The following GDAP1 variants were observed in gnomAD, a reference collection of about 807,000 sequenced individuals.
GDAP1 encodes the protein ganglioside induced differentiation associated protein 1, also known as ganglioside-induced differentiation-associated protein 1.
In GDAP1, 34 loss-of-function variants were observed where a neutral mutation model predicts 40.1. The observed-to-expected ratio is 0.85, with a 90% confidence interval of 0.64 to 1.13. The LOEUF is 1.13. GDAP1 is among the 50% of genes most tolerant of loss of function. The probability of loss-of-function intolerance (pLI) is 0.00; values close to 1 mark genes in which losing one functional copy is unlikely to be tolerated. For synonymous variants in GDAP1, 170 were observed against 157.4 expected (o/e 1.08, Z -0.60); for missense variants, 374 against 433.7 (o/e 0.86, Z 1.22).
At chr8:74,381,951 G>A (rs567496328) in intron 2 of GDAP1, among the ~76,000 whole-genome samples, 24 of 151,788 alleles carry the variant, frequency 1.6e-4, no homozygotes, top group Non-Finnish European at 2.9e-4. Flanking sequence ...CTCTGCTTTC[G>A]CCTTCATTTC....
intron 2 of GDAP1, among the ~76,000 whole-genome samples, chr8:74,373,876 T>C (rs1464428146): frequency 6.6e-6 from 1 of 152,156 alleles, no homozygotes; most frequent in Non-Finnish European, 1.5e-5. Flanking sequence ...CCATTCAGTA[T>C]GATATTGGCT....
chr8:74,444,612 C>G (rs932876245), intron 2 of GDAP1, among the ~76,000 whole-genome samples: 1 of 152,060 alleles, frequency 6.6e-6, no homozygotes, highest in Non-Finnish European at 1.5e-5. Flanking sequence ...TGTAAAATTT[C>G]CAGTTCTACA....
intron 2 of GDAP1, among the ~76,000 whole-genome samples, chr8:74,456,101 A>G (rs1463894909): frequency 6.6e-6 from 1 of 151,898 alleles, no homozygotes; most frequent in African/African-American, 2.4e-5. Flanking sequence ...TTAGTATTTA[A>G]CTATACCTCA....
chr8:74,437,337 C>T lies in GDAP1; in HGVS notation c.166-51341C>T, dbSNP rs7812502. 1.8e-3 allele frequency among the ~76,000 whole-genome samples: 273 copies of T among 152,264 alleles called. 1 individual carries two copies. The highest frequency in any genetic ancestry group is 6.4e-3 in the African/African-American group (265 of 41,552). On this transcript the variant is annotated intron_variant, in intron 2 of 2. Transcript: ENST00000523640. ...TTGTTGAAGATCTACAGTTACCAGTCGCAGTAAAGCTAGGAATCTAGTACT... is the reference window on the plus strand; with the variant it reads ...TTGTTGAAGATCTACAGTTACCAGTTGCAGTAAAGCTAGGAATCTAGTACT...
intron 2 of GDAP1, among the ~76,000 whole-genome samples, chr8:74,424,538 G>T (rs1312004460): frequency 1.3e-5 from 2 of 152,160 alleles, no homozygotes; most frequent in Non-Finnish European, 2.9e-5. Flanking sequence ...TACTGCTTCT[G>T]CTCTTCACTA....
intron 2 of GDAP1, among the ~76,000 whole-genome samples, chr8:74,457,806 T>C (rs1806354467): frequency 6.6e-6 from 1 of 152,048 alleles, no homozygotes; most frequent in African/African-American, 2.4e-5. Context: ...TCACTTTGAG[T>C]AGTGTTTAAG....
At chr8:74,367,588 A>T (rs4738451), downstream of GDAP1, among the ~76,000 whole-genome samples, 27,092 of 152,146 alleles carry the variant, frequency 0.18, 2,744 homozygotes, top group Admixed American at 0.31. Context: ...CAGTATTCAG[A>T]TATAACCATC....
chr8:74,400,332 G>C (rs1365847556), intron 2 of GDAP1, among the ~76,000 whole-genome samples: 1 of 149,674 alleles, frequency 6.7e-6, no homozygotes, highest in Non-Finnish European at 1.5e-5. Context: ...TTCGATCTTT[G>C]TTGGATTAAA....
At chr8:74,448,503 A>G (rs1016118830) in intron 2 of GDAP1, among the ~76,000 whole-genome samples, 2 of 152,280 alleles carry the variant, frequency 1.3e-5, no homozygotes, top group East Asian at 3.9e-4. Context: ...AATGAAACTA[A>G]CAATAATTTT....
intron 2 of GDAP1, among the ~76,000 whole-genome samples, chr8:74,394,338 A>G (rs1810160199): frequency 6.6e-6 from 1 of 152,202 alleles, no homozygotes; most frequent in African/African-American, 2.4e-5. Context: ...TAAATTCAAG[A>G]TGAGATTTGG....
chr8:74,382,020 T>G (rs2131538206), intron 2 of GDAP1, among the ~76,000 whole-genome samples: 1 of 152,192 alleles, frequency 6.6e-6, no homozygotes, highest in South Asian at 2.1e-4. Context: ...TCCTACTATT[T>G]TATAGTTTTC....
intron 2 of GDAP1, among the ~76,000 whole-genome samples, chr8:74,379,144 GTC>G (rs1809908132): frequency 6.6e-6 from 1 of 152,032 alleles, no homozygotes; most frequent in Non-Finnish European, 1.5e-5. Flanking sequence ...GACTTTCAGG[GTC>G]CGACTCAGGC....
chr8:74,448,320 T>C (rs1463665117), intron 2 of GDAP1, among the ~76,000 whole-genome samples: 2 of 152,168 alleles, frequency 1.3e-5, no homozygotes, highest in Non-Finnish European at 2.9e-5. Flanking sequence ...TTGTGTGTTT[T>C]AGTAGTTCAT....
chr8:74,389,530 T>C (rs1810076332), intron 2 of GDAP1, among the ~76,000 whole-genome samples: 3 of 152,208 alleles, frequency 2.0e-5, no homozygotes. Flanking sequence ...TTGTAGTGTT[T>C]CTGCAGAGAC....
chr8:74,352,669 A>T (rs1414876221), intron 2 of GDAP1, among the ~76,000 whole-genome samples: 1 of 152,228 alleles, frequency 6.6e-6, no homozygotes, highest in Non-Finnish European at 1.5e-5. Context: ...CAAAGCATTT[A>T]ATGATGTACT....
chr8:74,441,608 A>AC (rs928201603), intron 2 of GDAP1, among the ~76,000 whole-genome samples: 1 of 152,122 alleles, frequency 6.6e-6, no homozygotes, highest in African/African-American at 2.4e-5. Context: ...AAGAGTTCTT[A>AC]CTCTAAATGT....
chr8:74,356,491 A>G (rs1809095958), intron 2 of GDAP1, among the ~76,000 whole-genome samples: 1 of 152,050 alleles, frequency 6.6e-6, no homozygotes. Flanking sequence ...TCCTGGATGC[A>G]TACAGTGAAC....
At chr8:74,438,225 A>AC (rs1360270437) in intron 2 of GDAP1, among the ~76,000 whole-genome samples, 1 of 152,038 alleles carries the variant, frequency 6.6e-6, no homozygotes, top group Non-Finnish European at 1.5e-5. Flanking sequence ...AGCCAATATC[A>AC]CACCACCGCA....
intron 2 of GDAP1, among the ~76,000 whole-genome samples, chr8:74,356,716 A>ATATTTTTT (rs375377157): frequency 3.8e-5 from 4 of 104,362 alleles, no homozygotes; most frequent in African/African-American, 1.7e-4. Flanking sequence ...ATATATATAT[A>ATATTTTTT]TTTTTTTTTT....
Sources: gnomAD v4.1 joint callset for allele counts (sites outside exome capture counted in the v4.1 genomes callset) on GRCh38, gnomAD v4.1.1 for gene constraint, MANE v1.5 for transcripts, NCBI Gene and HGNC (gene_info 2026-07-23, HGNC 2026-07-21) for gene names.